The following EIF4G2 variants were observed in gnomAD, a reference collection of about 807,000 sequenced individuals.
EIF4G2 encodes DAP-5.
In EIF4G2, 8 loss-of-function variants were observed where a neutral mutation model predicts 117.7. The observed-to-expected ratio is 0.07, with a 90% CI of 0.04 to 0.12. The LOEUF is 0.12. EIF4G2 is among the 10% of genes least tolerant of loss of function. The probability of loss-of-function intolerance (pLI) is 1.00; values close to 1 mark genes in which losing one functional copy is unlikely to be tolerated. For synonymous variants in EIF4G2, 413 were observed against 367.8 expected (o/e 1.12, Z -1.41); for missense variants, 812 against 1,086.2 (o/e 0.75, Z 3.55).
At chr11:10,802,488 A>G in intron 11 of EIF4G2, 53 bp from the exon 12 acceptor site, 1 of 1,485,970 alleles carries the variant, frequency 6.7e-7, no homozygotes, top group Non-Finnish European at 8.9e-7. Flanking sequence ...TATTTCACTT[A>G]AAACTAAAAT....
chr11:10,798,891 A>G, intron 21 of EIF4G2, 101 bp downstream of exon 21: 1 of 1,384,028 alleles, frequency 7.2e-7, no homozygotes, highest in East Asian at 2.3e-5. Flanking sequence ...ACTACTAACT[A>G]GGACTACCTT....
intron 2 of EIF4G2, 43 bp downstream of exon 2, chr11:10,807,212 C>T (rs746845798): frequency 6.9e-6 from 11 of 1,584,822 alleles, no homozygotes; most frequent in Middle Eastern, 1.7e-4. Flanking sequence ...CTTTTTGAGA[C>T]TGGCCTTTTC....
rs781140092 is a variant in EIF4G2, at chr11:10,805,026, A to G, written c.249-11T>C. 14 of 1,596,696 alleles carry G rather than the reference A, an allele frequency of 8.8e-6. No homozygotes were observed. The highest frequency in any genetic ancestry group is 1.3e-5 in the African/African-American group (1 of 74,588). On this transcript the variant is annotated splice_polypyrimidine_tract_variant and intron_variant, in intron 4 of 21. Coordinates refer to ENST00000339995, the MANE Select transcript of EIF4G2 (RefSeq NM_001418.4). ...AGCTTATTTAGTATGCTGGAGAAAA[A>G]GGAATTACATTTTAAGTGTTAGCTA...
Position 10,799,367 on chromosome 11 carries a change from G to A in EIF4G2, c.2382C>T (p.Ser794=), listed in dbSNP as rs1847354686. The stretch of plus-strand genomic sequence containing the variant: ...CTAACTGTTCTTTGGAAGGAGCAGA[G>A]GATGAATCTGTTTCATCGCTGGGGG... Residue 794 remains serine (S), a synonymous_variant, in exon 20 of 22, where the codon TCC becomes TCT. Transcript: ENST00000339995. 1 of 1,613,064 alleles carries A rather than the reference G, an allele frequency of 6.2e-7. No homozygotes were observed. Among genetic ancestry groups the A allele is most frequent in the African/African-American group, 1.3e-5 (1 of 74,932 alleles).
chr11:10,799,589 G>A lies in EIF4G2; in HGVS notation c.2287C>T (p.His763Tyr). The A allele has an allele frequency of 6.2e-7, 1 of 1,614,068 alleles. No individual in the cohort carries two copies. The highest frequency in any genetic ancestry group is 8.5e-7 in the Non-Finnish European group (1 of 1,179,994). ...ATGTTCACAAATCCTTTATCTACAT[G>A]AAGTTTGGGAGAGATGTTATCTTTA... The change falls in exon 19 of 22, where the codon CAT becomes TAT. Residue 763 changes from histidine to tyrosine, a missense_variant. Physicochemically the swap from His to Tyr is moderately conservative, Grantham distance 83 (BLOSUM62 2). This residue lies in a region of EIF4G2 where 571 missense variants were observed against 642.3 expected (regional missense o/e 0.89). Coordinates refer to ENST00000339995, the MANE Select transcript of EIF4G2 (RefSeq NM_001418.4).
intron 1 of EIF4G2, chr11:10,808,269 C>G: frequency 8.2e-7 from 1 of 1,214,538 alleles, no homozygotes. Flanking sequence ...ACTCCAGGTC[C>G]TACACACCTC....
Position 10,800,530 on chromosome 11 carries a change from G to A in EIF4G2, c.1762C>T (p.Leu588=), listed in dbSNP as rs778370037. 2 of 1,614,112 alleles carry A rather than the reference G, an allele frequency of 1.2e-6. No individual in the cohort carries two copies. Among genetic ancestry groups the A allele is most frequent in the East Asian group, 4.5e-5 (2 of 44,884 alleles). The change falls in exon 17 of 22, where the codon CTG becomes TTG. Residue 588 remains leucine, a synonymous_variant. Transcript: ENST00000339995. ...TCTTCATCGCTTCTATCTAGTGACAGGATGATTACTTTGCTTAACATCTCA... is the reference window on the plus strand; with the variant it reads ...TCTTCATCGCTTCTATCTAGTGACAAGATGATTACTTTGCTTAACATCTCA...
chr11:10,807,730 AG>A, intron 1 of EIF4G2: 1 of 992,378 alleles, frequency 1.0e-6, no homozygotes, highest in African/African-American at 1.7e-5. Flanking sequence ...TGTCTGCCCT[AG>A]GAATTTTTAC....
intron 1 of EIF4G2, chr11:10,807,677 T>G: frequency 9.9e-7 from 1 of 1,011,192 alleles, no homozygotes; most frequent in South Asian, 4.3e-5. Context: ...CTGAGATCAA[T>G]AGAAAAGTCT....
chr11:10,797,794 A>G lies in EIF4G2; in HGVS notation c.*22T>C, dbSNP rs765586511. ...TCATAGCAACAGTATGTTTTGCACA[A>G]TTTAAGGCTTTGGCTGGTTCTTTAG... On this transcript the variant is annotated 3_prime_UTR_variant, in exon 22 of 22. Coordinates refer to ENST00000339995, the MANE Select transcript of EIF4G2 (RefSeq NM_001418.4). This position sits in a 1 kb window ranked among gnomAD's most constrained non-coding sequence, Gnocchi z 4.5. 1 of 1,613,648 alleles carries G rather than the reference A, an allele frequency of 6.2e-7. No homozygotes were observed. Among genetic ancestry groups the G allele is most frequent in the South Asian group, 1.1e-5 (1 of 91,028 alleles).
At position 10,802,167 on chromosome 11, in the gene EIF4G2, A is replaced by T. The variant is rs1423432633; in HGVS notation, c.1181T>A (p.Phe394Tyr). Residue 394 changes from phenylalanine (F) to tyrosine (Y), a missense_variant, in exon 13 of 22, where the codon TTT becomes TAT. Physicochemically the swap from Phe to Tyr is conservative, Grantham distance 22. Transcript: ENST00000339995. ...ACGATGACGTCCCATGGTGGGTGAA[A>T]ATCTATCCTGGATAACTCCTGGACC... 15 of 1,614,048 alleles carry T rather than the reference A, an allele frequency of 9.3e-6. No homozygotes were observed. The highest frequency in any genetic ancestry group is 1.3e-5 in the African/African-American group (1 of 74,896).
In EIF4G2 at chr11:10,808,382, G is replaced by A. The variant is rs767542383; in HGVS notation, c.-87+323C>T. 12 of 1,236,694 alleles carry A rather than the reference G, an allele frequency of 9.7e-6. No homozygotes were observed. The South Asian group carries it at 1.6e-4, about 16-fold the overall frequency. 76.6% of individuals were successfully genotyped at this position (1,236,694 alleles called of 1,614,324 possible). A position where few individuals can be genotyped will look rare whatever the true frequency, so the allele number is the denominator to read the frequency against. On this transcript the variant is annotated intron_variant, in intron 1 of 21. Transcript: ENST00000339995. ...GCGTGCCTCCCGCCACGGCGCTAGC[G>A]GTCCGAGCCACGCTCCCTCGCCGTC...
intron 13 of EIF4G2, 55 bp from the exon 14 acceptor site, chr11:10,801,829 G>C (rs1847426469): frequency 6.6e-7 from 1 of 1,525,206 alleles, no homozygotes; most frequent in Non-Finnish European, 9.0e-7. Flanking sequence ...ACAAATTATG[G>C]TAATCAAGTA....
At chr11:10,798,007 ATTAAG>A (rs1847306737) in intron 21 of EIF4G2, 126 bp from the exon 22 acceptor site, 12 of 820,656 alleles carry the variant, frequency 1.5e-5, no homozygotes, top group South Asian at 4.7e-5. Context: ...CAATTTGTAT[ATTAAG>A]TTAACGAACA....
At chr11:10,801,885 C>T in intron 13 of EIF4G2, 111 bp from the exon 14 acceptor site, 1 of 1,195,164 alleles carries the variant, frequency 8.4e-7, no homozygotes, top group Non-Finnish European at 1.2e-6. Context: ...CTGAATTTGC[C>T]CAGAGAAAGT....
At chr11:10,806,970 C>T (rs879078783) in intron 2 of EIF4G2, 85 bp from the exon 3 acceptor site, 22 of 1,515,610 alleles carry the variant, frequency 1.5e-5, no homozygotes, top group East Asian at 1.1e-4. Flanking sequence ...TTTTGCTTTG[C>T]TTGTAGAGAT....
chr11:10,799,368 G>C lies in EIF4G2; in HGVS notation c.2381C>G (p.Ser794Cys). ...TAACTGTTCTTTGGAAGGAGCAGAGGATGAATCTGTTTCATCGCTGGGGGG... is the reference window on the plus strand; with the variant it reads ...TAACTGTTCTTTGGAAGGAGCAGAGCATGAATCTGTTTCATCGCTGGGGGG... The change falls in exon 20 of 22, where the codon TCC becomes TGC. Residue 794 changes from serine (S) to cysteine (C), a missense_variant. Coordinates refer to ENST00000339995, the MANE Select transcript of EIF4G2 (RefSeq NM_001418.4). 1 of 1,613,202 alleles carries C rather than the reference G, an allele frequency of 6.2e-7. No individual in the cohort carries two copies. The highest frequency in any genetic ancestry group is 8.5e-7 in the Non-Finnish European group (1 of 1,180,032).
At chr11:10,806,192 C>CAGTA in intron 3 of EIF4G2, 145 bp from the exon 4 acceptor site, 1 of 1,074,070 alleles carries the variant, frequency 9.3e-7, no homozygotes, top group Non-Finnish European at 1.3e-6. Context: ...GCTTCTGGAA[C>CAGTA]AGTAGTGTGC....
chr11:10,806,506 T>C (rs529795986), intron 3 of EIF4G2: 4 of 351,750 alleles, frequency 1.1e-5, no homozygotes, highest in Non-Finnish European at 2.1e-5. Context: ...TAATGTTTTA[T>C]TGACCATGTT....
Sources: gnomAD v4.1 joint callset for allele counts on GRCh38, gnomAD v4.1.1 for gene constraint, gnomAD v4.1.1 regional missense constraint, Gnocchi (gnomAD v3.1) non-coding constraint, MANE v1.5 for transcripts, NCBI Gene and HGNC (gene_info 2026-07-23, HGNC 2026-07-21) for gene names.